PCSK4: variants seen among roughly 807,000 people sequenced by gnomAD.
The protein encoded by PCSK4 is proprotein convertase subtilisin/kexin type 4.
A neutral mutation model predicts 80.3 loss-of-function variants in PCSK4; 64 were observed. The ratio of observed to expected loss-of-function variants is 0.80; its 90% CI spans 0.65 to 0.98. PCSK4 has a LOEUF of 0.98. PCSK4 is among the 50% of genes least tolerant of loss of function. The probability of loss-of-function intolerance (pLI) is 0.00; values close to 1 mark genes in which losing one functional copy is unlikely to be tolerated. For missense variants in PCSK4, 1,213 were observed against 1,093.6 expected (o/e 1.11, Z -1.54); for synonymous variants, 561 against 487.6 (o/e 1.15, Z -1.98).
At chr19:1,483,816 C>T (rs1336853685) in intron 10 of PCSK4, 22 bp downstream of exon 10, 2 of 1,490,552 alleles carry the variant, frequency 1.3e-6, no homozygotes, top group African/African-American at 1.4e-5. Flanking sequence ...CGGGTCCCCG[C>T]CCCCGCCCGG....
intron 2 of PCSK4, among the ~76,000 whole-genome samples, chr19:1,489,082 G>T (rs1007840574): frequency 1.3e-5 from 2 of 150,970 alleles, no homozygotes; most frequent in African/African-American, 2.4e-5. Context: ...CTTTCTGAGC[G>T]CCTGGACACT....
chr19:1,486,027 C>T (rs1462515026), intron 8 of PCSK4, among the ~76,000 whole-genome samples: 1 of 152,070 alleles, frequency 6.6e-6, no homozygotes, highest in African/African-American at 2.4e-5. Context: ...AACTGGAGTG[C>T]AGTGGTGCAA....
exon 15 of PCSK4, chr19:1,481,909 T>G (rs1453961094): frequency 6.3e-7 from 1 of 1,594,002 alleles, no homozygotes; most frequent in African/African-American, 1.3e-5. Flanking sequence ...TGGCCGAGGC[T>G]GGGCAGCGGT....
exon 14 of PCSK4, chr19:1,482,460 T>C: frequency 6.2e-7 from 1 of 1,605,556 alleles, no homozygotes; most frequent in Non-Finnish European, 8.5e-7. Context: ...CAGCAGCGTG[T>C]AGCGGTACAA....
At chr19:1,490,335 G>A (rs1010317545) in exon 1 of PCSK4, 4 of 1,325,416 alleles carry the variant, frequency 3.0e-6, no homozygotes, top group South Asian at 2.7e-5. Flanking sequence ...GCGCAATCGG[G>A]GCGGGCCGCA....
At chr19:1,485,256 G>A (rs567788409) in intron 8 of PCSK4, among the ~76,000 whole-genome samples, 12 of 151,884 alleles carry the variant, frequency 7.9e-5, no homozygotes, top group Admixed American at 1.3e-4. Flanking sequence ...GTGAAACCCC[G>A]TCTCTACTGA....
intron 1 of PCSK4, 95 bp downstream of exon 1, chr19:1,490,063 T>C (rs2084862585): frequency 6.5e-7 from 1 of 1,537,004 alleles, no homozygotes; most frequent in Non-Finnish European, 8.8e-7. Context: ...TCTTGATATT[T>C]AGAAGACCTT....
chr19:1,485,157 TA>T (rs1409373577), intron 8 of PCSK4, among the ~76,000 whole-genome samples: 6 of 146,696 alleles, frequency 4.1e-5, no homozygotes, highest in South Asian at 2.2e-4. Flanking sequence ...CAAAAAAATT[TA>T]AAAAAAAAGG....
exon 11 of PCSK4, chr19:1,483,713 G>A (rs759068500): frequency 1.3e-5 from 21 of 1,596,128 alleles, no homozygotes; most frequent in Non-Finnish European, 1.7e-5. Context: ...CCAGGTGCGG[G>A]CGGTGTCCAC....
rs2084677721 is a variant in PCSK4, at chr19:1,487,319, G to A, written c.683-6C>T. ...ACCGTCCAGCATCCGTACGCCTGCA[G>A]AGCCAGGGCGGGAGGGCCGCTGCCA... On this transcript the variant is annotated splice_polypyrimidine_tract_variant and splice_region_variant and intron_variant, in intron 6 of 14. Coordinates refer to ENST00000300954, the Ensembl canonical transcript of PCSK4. 6.3e-7 allele frequency: 1 copy of A among 1,580,538 alleles called. No homozygotes were observed. Among genetic ancestry groups the A allele is most frequent in the Non-Finnish European group, 8.6e-7 (1 of 1,168,144 alleles).
rs2084640572 is a variant in PCSK4, at chr19:1,486,809, G to T, written c.1068+44C>A. 4 of 1,489,958 alleles carry T rather than the reference G, an allele frequency of 2.7e-6. No individual in the cohort carries two copies. The South Asian group carries it at 4.6e-5, about 17-fold the overall frequency. 92.3% of individuals were successfully genotyped at this position (1,489,958 alleles called of 1,614,324 possible). A position where few individuals can be genotyped will look rare whatever the true frequency, so the allele number is the denominator to read the frequency against. ...GGACAGGAGGAGGCCAGGCTGGGATGGCAGGGCCTGGGGAGGGGACCCTGT... is the reference window on the plus strand; with the variant it reads ...GGACAGGAGGAGGCCAGGCTGGGATTGCAGGGCCTGGGGAGGGGACCCTGT... On this transcript the variant is annotated intron_variant, in intron 8 of 14. Coordinates refer to ENST00000300954, the Ensembl canonical transcript of PCSK4.
intron 2 of PCSK4, among the ~76,000 whole-genome samples, chr19:1,488,870 C>T (rs1022241542): frequency 1.4e-4 from 21 of 152,298 alleles, no homozygotes; most frequent in African/African-American, 4.6e-4. Context: ...CATGAACCAC[C>T]ACGCCAGGCC....
chr19:1,490,526 C>T (rs2084896338), upstream of PCSK4: 2 of 507,688 alleles, frequency 3.9e-6, no homozygotes, highest in East Asian at 3.4e-5. Flanking sequence ...GGGAGAGGGA[C>T]GCACGCCTGC....
At chr19:1,488,009 C>T in exon 4 of PCSK4, 1 of 1,613,490 alleles carries the variant, frequency 6.2e-7, no homozygotes, top group Non-Finnish European at 8.5e-7. Flanking sequence ...TGCCATCGTC[C>T]AGCACAGAGA....
chr19:1,486,957 C>A (rs374332963), exon 8 of PCSK4: 1 of 1,608,322 alleles, frequency 6.2e-7, no homozygotes, highest in Admixed American at 1.7e-5. Context: ...GTGCTGCCCA[C>A]GGAAAGCGTG....
intron 12 of PCSK4, 64 bp downstream of exon 12, chr19:1,483,220 G>A (rs1157879409): frequency 2.1e-6 from 3 of 1,433,840 alleles, no homozygotes; most frequent in East Asian, 2.5e-5. Flanking sequence ...AGGACACTCC[G>A]GGTAGATGGC....
rs45530736 is a variant in PCSK4, at chr19:1,489,962, C to T, written c.190-65G>A. The T allele has an allele frequency of 6.2e-3, 9,592 of 1,546,120 alleles. 46 individuals are homozygous for T. The highest frequency in any genetic ancestry group is 7.2e-3 in the Non-Finnish European group (8,183 of 1,144,034). ...CTCCCCTGCTGAAGCCCCCGAGGGC[C>T]GGTAACAGCCCCCTTCTTTGTCCTT... On this transcript the variant is annotated intron_variant, in intron 1 of 14. Transcript: ENST00000300954.
At chr19:1,486,657 C>T (rs2084632158) in intron 8 of PCSK4, among the ~76,000 whole-genome samples, 196 bp downstream of exon 8, 7 of 151,978 alleles carry the variant, frequency 4.6e-5, no homozygotes, top group Admixed American at 4.6e-4. Flanking sequence ...TGGTCTTGAT[C>T]TCCTGACCTT....
chr19:1,482,707 G>A (rs1399507717), intron 13 of PCSK4, 189 bp downstream of exon 13: 12 of 754,004 alleles, frequency 1.6e-5, no homozygotes, highest in Admixed American at 1.3e-4. Flanking sequence ...CCGTGTTACC[G>A]CACACCTACT....
Sources: gnomAD v4.1 joint callset for allele counts (sites outside exome capture counted in the v4.1 genomes callset) on GRCh38, gnomAD v4.1.1 for gene constraint, MANE v1.5 for transcripts, NCBI Gene and HGNC (gene_info 2026-07-23, HGNC 2026-07-21) for gene names.